The following GRID2 variants were observed in gnomAD, a reference collection of about 807,000 sequenced individuals.
GRID2 encodes the protein glutamate receptor ionotropic, delta-2.
GRID2 carries 33 observed loss-of-function variants against 114.8 expected under a neutral mutation model. The ratio of observed to expected loss-of-function variants is 0.29; its 90% CI spans 0.22 to 0.38. The LOEUF (loss-of-function observed/expected upper bound fraction) is 0.38, where lower values mean the gene tolerates loss of function less well. Ranked by LOEUF, GRID2 falls within the 10% of genes least tolerant of loss-of-function variation. The pLI is 1.00. For synonymous variants in GRID2, 505 were observed against 449.9 expected (o/e 1.12, Z -1.55); for missense variants, 1,184 against 1,257.7 (o/e 0.94, Z 0.89).
At chr4:92,756,564 C>T (rs1465121195) in intron 2 of GRID2, among the ~76,000 whole-genome samples, 1 of 152,116 alleles carries the variant, frequency 6.6e-6, no homozygotes, top group Non-Finnish European at 1.5e-5. Context: ...TTCCCACCAA[C>T]AATGTATAAC....
At chr4:92,600,486 G>T (rs376841955) in intron 2 of GRID2, among the ~76,000 whole-genome samples, 1 of 152,134 alleles carries the variant, frequency 6.6e-6, no homozygotes, top group African/African-American at 2.4e-5. Flanking sequence ...GAATTGTGTT[G>T]CACAGTTCAA....
chr4:92,843,609 A>T (rs1743075383), intron 2 of GRID2, among the ~76,000 whole-genome samples: 1 of 152,156 alleles, frequency 6.6e-6, no homozygotes, highest in Non-Finnish European at 1.5e-5. Context: ...CTTTACCCTT[A>T]TACAAATCTA....
At chr4:92,918,625 T>C (rs1047691638) in intron 2 of GRID2, among the ~76,000 whole-genome samples, 1 of 152,212 alleles carries the variant, frequency 6.6e-6, no homozygotes, top group Non-Finnish European at 1.5e-5. Flanking sequence ...GTTTTTGTCG[T>C]TGGTTCTGCT....
At chr4:93,310,524 C>T (rs938554865) in intron 8 of GRID2, among the ~76,000 whole-genome samples, 11 of 151,838 alleles carry the variant, frequency 7.2e-5, no homozygotes, top group African/African-American at 2.7e-4. Context: ...AACGAGACTC[C>T]ATCTCAAAAA....
At chr4:92,505,145 G>A (rs562149961) in intron 1 of GRID2, among the ~76,000 whole-genome samples, 5 of 152,058 alleles carry the variant, frequency 3.3e-5, no homozygotes, top group East Asian at 1.9e-4. Flanking sequence ...CTCATAAAAC[G>A]CAGTGTCATT....
chr4:93,007,380 A>G (rs1477288530), intron 2 of GRID2, among the ~76,000 whole-genome samples: 1 of 152,132 alleles, frequency 6.6e-6, no homozygotes, highest in Non-Finnish European at 1.5e-5. Flanking sequence ...CAAACAGATC[A>G]AATTACTTAC....
At chr4:92,677,603 T>C (rs1177438984) in intron 2 of GRID2, among the ~76,000 whole-genome samples, 3 of 152,146 alleles carry the variant, frequency 2.0e-5, no homozygotes, top group Non-Finnish European at 2.9e-5. Context: ...TCTTGCTGCA[T>C]TACATTCCGT....
intron 1 of GRID2, among the ~76,000 whole-genome samples, chr4:92,322,164 A>G (rs1458878807): frequency 6.6e-6 from 1 of 152,194 alleles, no homozygotes; most frequent in Non-Finnish European, 1.5e-5. Flanking sequence ...TTTCTACAAC[A>G]TATAAATCAA....
intron 14 of GRID2, among the ~76,000 whole-genome samples, chr4:93,691,628 G>C (rs1726573060): frequency 6.6e-6 from 1 of 152,020 alleles, no homozygotes; most frequent in Non-Finnish European, 1.5e-5. Flanking sequence ...TTTTAACACT[G>C]TAACTTAATT....
intron 2 of GRID2, among the ~76,000 whole-genome samples, chr4:92,744,487 C>CAAA (rs34643860): frequency 1.2e-5 from 1 of 85,458 alleles, no homozygotes; most frequent in East Asian, 3.1e-4. Context: ...TCCTCCATCT[C>CAAA]AAAAAAAAAA....
intron 1 of GRID2, among the ~76,000 whole-genome samples, chr4:92,464,537 G>GT (rs1352998840): frequency 6.6e-6 from 1 of 151,638 alleles, no homozygotes; most frequent in Non-Finnish European, 1.5e-5. Context: ...ATAATATAAC[G>GT]CCTGCTAATA....
intron 2 of GRID2, among the ~76,000 whole-genome samples, chr4:92,841,531 G>T (rs1578281021): frequency 6.6e-6 from 1 of 151,868 alleles, no homozygotes; most frequent in African/African-American, 2.4e-5. Flanking sequence ...TAGTTTATAA[G>T]AATCTAAATA....
At chr4:93,775,619 GA>G (rs1009743783), downstream of GRID2, among the ~76,000 whole-genome samples, 3 of 152,154 alleles carry the variant, frequency 2.0e-5, no homozygotes, top group African/African-American at 7.2e-5. Flanking sequence ...GCAACACTTA[GA>G]CCAACCTGGC....
At chr4:92,639,938 A>G (rs1731263109) in intron 2 of GRID2, among the ~76,000 whole-genome samples, 2 of 151,780 alleles carry the variant, frequency 1.3e-5, no homozygotes, top group Admixed American at 6.6e-5. Context: ...TCGTATGTGT[A>G]TTATGTAAAA....
intron 1 of GRID2, among the ~76,000 whole-genome samples, chr4:92,452,247 C>A (rs532442371): frequency 6.6e-6 from 1 of 151,580 alleles, no homozygotes; most frequent in African/African-American, 2.4e-5. Context: ...GAAATGTTCT[C>A]TATTATTAAT....
intron 14 of GRID2, among the ~76,000 whole-genome samples, chr4:93,710,116 TA>T (rs1446129018): frequency 3.9e-5 from 6 of 152,342 alleles, no homozygotes; most frequent in Middle Eastern, 3.4e-3. Flanking sequence ...TGGATGGTCT[TA>T]ATACTTGTGG....
chr4:92,450,727 ATCTC>A (rs1441664999), intron 1 of GRID2, among the ~76,000 whole-genome samples: 3 of 151,210 alleles, frequency 2.0e-5, no homozygotes, highest in African/African-American at 4.8e-5. Flanking sequence ...CCTCCTTTAA[ATCTC>A]TCTCTTTCTT....
chr4:93,543,927 A>G (rs1424428713), intron 13 of GRID2, among the ~76,000 whole-genome samples: 3 of 152,216 alleles, frequency 2.0e-5, no homozygotes, highest in Non-Finnish European at 4.4e-5. Context: ...CAACCAATGT[A>G]AGAACTATAA....
At chr4:93,106,823 A>C (rs1257362489) in intron 3 of GRID2, among the ~76,000 whole-genome samples, 1 of 152,172 alleles carries the variant, frequency 6.6e-6, no homozygotes, top group South Asian at 2.1e-4. Flanking sequence ...GTAGCTAGCC[A>C]TCAGTAAAAT....
Sources: gnomAD v4.1 joint callset for allele counts (sites outside exome capture counted in the v4.1 genomes callset) on GRCh38, gnomAD v4.1.1 for gene constraint, MANE v1.5 for transcripts, NCBI Gene and HGNC (gene_info 2026-07-23, HGNC 2026-07-21) for gene names.